The following ROBO2 variants were observed in gnomAD, a reference collection of about 807,000 sequenced individuals.
The protein encoded by ROBO2 is roundabout homolog 2.
A neutral mutation model predicts 160.8 loss-of-function variants in ROBO2; 53 were observed. The ratio of observed to expected loss-of-function variants is 0.33; its 90% CI spans 0.26 to 0.41. The LOEUF is 0.41. Among genes scored for constraint, ROBO2 ranks in the 10% least tolerant of loss-of-function variants. The probability of loss-of-function intolerance (pLI) is 1.00; values close to 1 mark genes in which losing one functional copy is unlikely to be tolerated. For synonymous variants in ROBO2, 664 were observed against 611.7 expected (o/e 1.09, Z -1.26); for missense variants, 1,577 against 1,722.4 (o/e 0.92, Z 1.49).
At chr3:76,831,345 A>G (rs1426728877) in intron 2 of ROBO2, among the ~76,000 whole-genome samples, 1 of 152,210 alleles carries the variant, frequency 6.6e-6, no homozygotes, top group Non-Finnish European at 1.5e-5. Context: ...CTACTTAAAG[A>G]ACTTTGAAAA....
intron 2 of ROBO2, among the ~76,000 whole-genome samples, chr3:76,400,153 G>T (rs968187677): frequency 3.3e-5 from 5 of 151,570 alleles, no homozygotes; most frequent in African/African-American, 1.2e-4. Context: ...CAAGAAGTTT[G>T]CACTTGGAAA....
At chr3:76,531,985 G>T (rs1369740153) in intron 2 of ROBO2, among the ~76,000 whole-genome samples, 1 of 152,098 alleles carries the variant, frequency 6.6e-6, no homozygotes, top group Non-Finnish European at 1.5e-5. Context: ...TAAGAGTTTA[G>T]GCAGGAGTTA....
chr3:77,489,010 G>A (rs2085730685), intron 4 of ROBO2, among the ~76,000 whole-genome samples: 1 of 152,128 alleles, frequency 6.6e-6, no homozygotes, highest in Non-Finnish European at 1.5e-5. Flanking sequence ...GGTCAGTTTA[G>A]TATAATTAAC....
chr3:77,062,765 G>A (rs550823851), intron 1 of ROBO2, among the ~76,000 whole-genome samples: 3 of 152,158 alleles, frequency 2.0e-5, no homozygotes, highest in South Asian at 4.1e-4. Flanking sequence ...GTTTACAGAA[G>A]CAAGACACAC....
chr3:76,028,388 T>G (rs1271346990), intron 2 of ROBO2, among the ~76,000 whole-genome samples: 1 of 151,942 alleles, frequency 6.6e-6, no homozygotes, highest in Non-Finnish European at 1.5e-5. Flanking sequence ...ATATAACCTT[T>G]TTAGTAGTTA....
At chr3:77,293,469 A>C (rs2061579039) in intron 2 of ROBO2, among the ~76,000 whole-genome samples, 2 of 148,232 alleles carry the variant, frequency 1.3e-5, no homozygotes, top group African/African-American at 5.3e-5. Flanking sequence ...ATTGACGGTT[A>C]AATGGGTAAG....
chr3:77,515,005 T>A (rs2089854206), intron 5 of ROBO2, among the ~76,000 whole-genome samples: 1 of 151,768 alleles, frequency 6.6e-6, no homozygotes, highest in African/African-American at 2.4e-5. Flanking sequence ...AAAGAAACTT[T>A]GTCATGTTTT....
At chr3:77,618,728 C>A (rs2094835682) in intron 22 of ROBO2, among the ~76,000 whole-genome samples, 1 of 151,932 alleles carries the variant, frequency 6.6e-6, no homozygotes, top group African/African-American at 2.4e-5. Context: ...GAAAGAGATA[C>A]CAAAAGGAAG....
intron 2 of ROBO2, among the ~76,000 whole-genome samples, chr3:77,012,117 C>CAT (rs761957415): frequency 6.6e-6 from 1 of 152,122 alleles, no homozygotes; most frequent in Admixed American, 6.6e-5. Flanking sequence ...AGACCTTGGT[C>CAT]ATATATATAT....
chr3:77,576,347 A>C (rs2093762497), intron 14 of ROBO2, among the ~76,000 whole-genome samples: 2 of 152,138 alleles, frequency 1.3e-5, no homozygotes, highest in Admixed American at 1.3e-4. Context: ...AGGCTTTTAA[A>C]ATATATTTTA....
intron 2 of ROBO2, chr3:76,433,872 T>C (rs2109038900): frequency 1.7e-6 from 1 of 573,912 alleles, no homozygotes; most frequent in African/African-American, 1.9e-5. Context: ...CATCTCTATC[T>C]ATTTTCTTTG....
At chr3:77,042,403 A>G (rs2064189850) in intron 1 of ROBO2, among the ~76,000 whole-genome samples, 1 of 152,252 alleles carries the variant, frequency 6.6e-6, no homozygotes, top group South Asian at 2.1e-4. Flanking sequence ...ATATGTCCTC[A>G]TAAATCATGA....
chr3:77,505,723 TA>T (rs2088408101), intron 5 of ROBO2, among the ~76,000 whole-genome samples: 1 of 152,106 alleles, frequency 6.6e-6, no homozygotes, highest in Non-Finnish European at 1.5e-5. Context: ...TCCTTAGAAA[TA>T]ACTCATTTAA....
chr3:77,110,287 A>G (rs1034280831), intron 2 of ROBO2, among the ~76,000 whole-genome samples: 1 of 152,198 alleles, frequency 6.6e-6, no homozygotes, highest in African/African-American at 2.4e-5. Context: ...GATAATAGCA[A>G]TGATATCTTA....
At chr3:76,382,954 A>T (rs775025541) in intron 2 of ROBO2, among the ~76,000 whole-genome samples, 1 of 152,186 alleles carries the variant, frequency 6.6e-6, no homozygotes, top group Non-Finnish European at 1.5e-5. Flanking sequence ...AGGCTAAGAA[A>T]CAGACGAGAA....
chr3:76,810,717 T>C (rs550608497), intron 2 of ROBO2, among the ~76,000 whole-genome samples: 150 of 152,278 alleles, frequency 9.9e-4, no homozygotes, highest in African/African-American at 3.5e-3. Context: ...CAATATTTTA[T>C]GTAACATTAC....
chr3:77,027,363 T>A (rs1314772777), intron 2 of ROBO2, among the ~76,000 whole-genome samples: 1 of 152,156 alleles, frequency 6.6e-6, no homozygotes, highest in Non-Finnish European at 1.5e-5. Flanking sequence ...CAAACACTCA[T>A]TCAAGTGACA....
At chr3:77,563,299 C>T (rs1312619080) in exon 11 of ROBO2, 1 of 1,613,568 alleles carries the variant, frequency 6.2e-7, no homozygotes, top group Non-Finnish European at 8.5e-7. Context: ...GGAACCCTTC[C>T]AGCAAGTGCA....
At chr3:77,143,144 C>T (rs1200734458) in intron 2 of ROBO2, among the ~76,000 whole-genome samples, 1 of 144,968 alleles carries the variant, frequency 6.9e-6, no homozygotes, top group Non-Finnish European at 1.5e-5. Flanking sequence ...TTGCAATTTA[C>T]CTACCAGACA....
Sources: gnomAD v4.1 joint callset for allele counts (sites outside exome capture counted in the v4.1 genomes callset) on GRCh38, gnomAD v4.1.1 for gene constraint, MANE v1.5 for transcripts, NCBI Gene and HGNC (gene_info 2026-07-23, HGNC 2026-07-21) for gene names.